The following ODF2 variants were observed in gnomAD, a reference collection of about 807,000 sequenced individuals.
ODF2 encodes outer dense fiber protein 2.
In ODF2, 47 loss-of-function variants were observed where a neutral mutation model predicts 110.2. That is an observed-to-expected ratio of 0.43 (90% CI 0.34 to 0.54). ODF2 has a LOEUF of 0.54. Ranked by LOEUF, ODF2 falls within the 20% of genes least tolerant of loss-of-function variation. The pLI, the probability that ODF2 is intolerant of heterozygous loss-of-function variation, is 0.03. For synonymous variants in ODF2, 352 were observed against 397.7 expected, an observed-to-expected ratio of 0.89 and a Z score of 1.37; for missense variants, 812 against 1,054.5, an observed-to-expected ratio of 0.77 and a Z score of 3.19.
rs551109449 is a variant in ODF2 at position 128,456,599 on chromosome 9, C to T, written c.-209+344C>T. ...CTGGTGGGTGGCCGTCCCTTCTCTCCGCCGACAGAGGCTCTCCCTCGCTCT... is the reference window on the plus strand; with the variant it reads ...CTGGTGGGTGGCCGTCCCTTCTCTCTGCCGACAGAGGCTCTCCCTCGCTCT... On this transcript the variant is annotated intron_variant, in intron 1 of 20. Transcript: ENST00000604420. 2.3e-4 allele frequency: 357 copies of T among 1,521,468 alleles called. 3 individuals are homozygous for T. In the South Asian group the frequency reaches 4.0e-3, roughly 17 times the overall value. 94.2% of individuals were successfully genotyped at this position (1,521,468 alleles called of 1,614,324 possible).
intron 6 of ODF2, among the ~76,000 whole-genome samples, chr9:128,472,305 TA>T (rs565053448): frequency 9.7e-4 from 148 of 152,258 alleles, no homozygotes; most frequent in African/African-American, 3.5e-3. Flanking sequence ...CCTCCTTGAC[TA>T]AAGTAATCCT....
intron 17 of ODF2, among the ~76,000 whole-genome samples, chr9:128,495,197 T>C (rs1286060559): frequency 6.6e-6 from 1 of 152,246 alleles, no homozygotes; most frequent in Non-Finnish European, 1.5e-5. Context: ...AGCGTGACCT[T>C]GGGCAAGGCC....
Position 128,483,127 on chromosome 9 carries a change from C to T in ODF2, c.987+240C>T, listed in dbSNP as rs563760357. On this transcript the variant is annotated intron_variant, in intron 10 of 20. Transcript: ENST00000604420. The stretch of plus-strand genomic sequence containing the variant: ...GCCAGGATGGTCTTGATCTCTTGAC[C>T]TCGTGATCTGCCTGCCTCGGCCTCC... 3.1e-3 allele frequency among the ~76,000 whole-genome samples: 476 copies of T among 152,170 alleles called. 5 individuals carry two copies. The highest frequency in any genetic ancestry group is 2.7e-3 in the Non-Finnish European group (183 of 68,006).
At chr9:128,467,261 A>G (rs1172200718) in intron 4 of ODF2, among the ~76,000 whole-genome samples, 1 of 151,290 alleles carries the variant, frequency 6.6e-6, no homozygotes, top group Non-Finnish European at 1.5e-5. Flanking sequence ...TAGGCAACTA[A>G]CACAATGGTA....
chr9:128,466,908 C>T (rs1478065748), intron 4 of ODF2, among the ~76,000 whole-genome samples: 11 of 133,722 alleles, frequency 8.2e-5, no homozygotes, highest in Admixed American at 4.1e-4. Context: ...ACCTGGGAGG[C>T]GGAGCTTGCA....
At chr9:128,487,951 G>C in exon 14 of ODF2, 1 of 1,614,044 alleles carries the variant, frequency 6.2e-7, no homozygotes, top group Non-Finnish European at 8.5e-7. Flanking sequence ...GGAAGACCGG[G>C]ATAGCCTGGT....
chr9:128,498,808 C>G (rs1209654689), intron 19 of ODF2, among the ~76,000 whole-genome samples, 193 bp from the exon 20 acceptor site: 1 of 152,218 alleles, frequency 6.6e-6, no homozygotes, highest in Non-Finnish European at 1.5e-5. Context: ...GTGGTGACTC[C>G]TGGAGCACTG....
intron 3 of ODF2, among the ~76,000 whole-genome samples, chr9:128,459,895 T>C (rs750800912): frequency 6.6e-6 from 1 of 152,096 alleles, no homozygotes; most frequent in Non-Finnish European, 1.5e-5. Flanking sequence ...TCCTAAAATC[T>C]TGAGATTTTT....
At chr9:128,458,961 C>T (rs1835689208) in intron 2 of ODF2, among the ~76,000 whole-genome samples, 1 of 152,128 alleles carries the variant, frequency 6.6e-6, no homozygotes, top group South Asian at 2.1e-4. Flanking sequence ...TCTCCCACCT[C>T]AGCCTCCCGA....
intron 5 of ODF2, among the ~76,000 whole-genome samples, chr9:128,470,039 ATATAT>A: frequency 1.0e-5 from 1 of 95,778 alleles, no homozygotes; most frequent in African/African-American, 3.6e-5. Context: ...ATATATATAT[ATATAT>A]ATAAATAAAA....
At chr9:128,480,691 T>C (rs1842222332) in intron 8 of ODF2, among the ~76,000 whole-genome samples, 2 of 152,038 alleles carry the variant, frequency 1.3e-5, no homozygotes, top group South Asian at 2.1e-4. Context: ...GTGGCAGTTA[T>C]CTGTAATCCC....
In ODF2 at chr9:128,495,171, T is replaced by C. The variant is rs142550170; in HGVS notation, c.1911+503T>C. Among the ~76,000 whole-genome samples the C allele has an allele frequency of 4.4e-3, 671 of 152,378 alleles. 15 individuals carry two copies. The Middle Eastern group carries it at 0.058, about 13-fold the overall frequency. On this transcript the variant is annotated intron_variant, in intron 17 of 20. Transcript: ENST00000604420. The stretch of plus-strand genomic sequence containing the variant: ...ACGGCCTGCAGTGTCCAAGAAATTA[T>C]ATACCACTCATTTGCAGCGTGACCT...
At chr9:128,457,279 C>A in exon 2 of ODF2, 2 of 1,603,352 alleles carry the variant, frequency 1.2e-6, no homozygotes, top group Non-Finnish European at 1.7e-6. Flanking sequence ...TTCCACCCTT[C>A]TCCCCTCAGA....
At chr9:128,461,419 T>A (rs1836407996) in intron 4 of ODF2, 1 of 194,602 alleles carries the variant, frequency 5.1e-6, no homozygotes, top group Admixed American at 5.3e-5. Flanking sequence ...GTATTTTCTT[T>A]TCTTTTCTTT....
chr9:128,500,035 C>T (rs1846290955), intron 20 of ODF2, 32 bp from the exon 21 acceptor site: 2 of 1,612,710 alleles, frequency 1.2e-6, no homozygotes, highest in Non-Finnish European at 1.7e-6. Flanking sequence ...GGACACTGCA[C>T]AGCGGGCCCA....
chr9:128,491,866 C>CTTT (rs753406341), intron 14 of ODF2, among the ~76,000 whole-genome samples: 6 of 130,948 alleles, frequency 4.6e-5, no homozygotes, highest in Admixed American at 1.6e-4. Context: ...TCCCCATTTT[C>CTTT]TTTTTTTTTT....
intron 4 of ODF2, among the ~76,000 whole-genome samples, chr9:128,467,180 C>T (rs1838423075): frequency 6.7e-6 from 1 of 150,224 alleles, no homozygotes; most frequent in South Asian, 2.1e-4. Flanking sequence ...TGCTACACAC[C>T]TGGGCTGTAT....
intron 17 of ODF2, 24 bp from the exon 18 acceptor site, chr9:128,496,017 C>T: frequency 1.2e-6 from 2 of 1,612,932 alleles, no homozygotes; most frequent in Non-Finnish European, 1.7e-6. Flanking sequence ...CTTTGTAAAC[C>T]AGTCTGTGTT....
rs761492169 is a variant in ODF2, at chr9:128,482,816, C to T, written c.916C>T (p.Arg306Cys). ...CCTGACAGCCTGTGTTCTCTCCCAG[C>T]GCCTGCTGTTACTGCTGCAAGACAA... Residue 306 changes from arginine (R) to cysteine (C), a missense_variant and splice_region_variant, in exon 10 of 21, where the codon CGC becomes TGC. Around this residue, in one of 5 missense-constraint regions of ODF2, gnomAD observed 219 missense variants for 321.3 expected, o/e 0.68. Transcript: ENST00000604420. 9.3e-6 allele frequency: 15 copies of T among 1,613,212 alleles called. No individual in the cohort carries two copies. In the Admixed American group the frequency reaches 1.0e-4, roughly 11 times the overall value.
Sources: gnomAD v4.1 joint callset for allele counts (sites outside exome capture counted in the v4.1 genomes callset) on GRCh38, gnomAD v4.1.1 for gene constraint, gnomAD v4.1.1 regional missense constraint, MANE v1.5 for transcripts, NCBI Gene and HGNC (gene_info 2026-07-23, HGNC 2026-07-21) for gene names.